The following TRIP12 variants were observed in gnomAD, a reference collection of about 807,000 sequenced individuals.
TRIP12 encodes the protein thyroid hormone receptor interactor 12.
TRIP12 carries 25 observed loss-of-function variants against 244.2 expected under a neutral mutation model. The ratio of observed to expected loss-of-function variants is 0.10; its 90% CI spans 0.07 to 0.14. The LOEUF (loss-of-function observed/expected upper bound fraction) is 0.14. Among genes scored for constraint, TRIP12 ranks in the 10% least tolerant of loss-of-function variants. The pLI, the probability that TRIP12 is intolerant of heterozygous loss-of-function variation, is 1.00. For missense variants in TRIP12, 1,677 were observed against 2,486.4 expected, an observed-to-expected ratio of 0.67 and a Z score of 6.92; for synonymous variants, 905 against 873.1, an observed-to-expected ratio of 1.04 and a Z score of -0.64.
Position 229,778,894 on chromosome 2 carries a change from T to C in TRIP12, c.5191A>G (p.Thr1731Ala), listed in dbSNP as rs1387208718. 1 of 1,613,844 alleles carries C rather than the reference T, an allele frequency of 6.2e-7. No homozygotes were observed. ...DLGLWRGEEV[T>A]LSNPKGSQEG... Reference sequence around the variant, plus strand: ...GCATTACCTTTTGGATTGCTAAGAGTTACTTCTTCACCTCTCCAAAGACCC... The same window carrying C: ...GCATTACCTTTTGGATTGCTAAGAGCTACTTCTTCACCTCTCCAAAGACCC... The change falls in exon 35 of 42, where the codon ACT becomes GCT. Residue 1731 changes from threonine to alanine, a missense_variant. Physicochemically the swap from Thr to Ala is moderately conservative, Grantham distance 58. Around this residue, in one of 11 missense-constraint regions of TRIP12, gnomAD observed 18 missense variants for 16.8 expected, o/e 1.07. Transcript: ENST00000675903. The surrounding 1 kb of genome is among the most constrained non-coding windows in gnomAD (Gnocchi z 4.1).
chr2:229,835,550 T>C (rs1278539696), intron 6 of TRIP12, among the ~76,000 whole-genome samples: 2 of 152,224 alleles, frequency 1.3e-5, no homozygotes, highest in African/African-American at 4.8e-5. Flanking sequence ...TAAGCAATGT[T>C]TGTCTCCGTT....
At chr2:229,785,324 G>T (rs1042131398) in intron 34 of TRIP12, among the ~76,000 whole-genome samples, 1 of 152,188 alleles carries the variant, frequency 6.6e-6, no homozygotes, top group Non-Finnish European at 1.5e-5. Flanking sequence ...AAAGTGAAAT[G>T]GGGGCACTTT....
chr2:229,907,072 T>C (rs989069343), intron 1 of TRIP12, among the ~76,000 whole-genome samples: 5 of 152,200 alleles, frequency 3.3e-5, no homozygotes, highest in African/African-American at 1.2e-4. Flanking sequence ...CCATTTTAAT[T>C]GTCCATTAAA....
At chr2:229,833,488 C>T (rs1399478598) in intron 6 of TRIP12, among the ~76,000 whole-genome samples, 3 of 152,112 alleles carry the variant, frequency 2.0e-5, no homozygotes, top group Non-Finnish European at 4.4e-5. Flanking sequence ...AGGGTTTCAC[C>T]ATGTTGCCCA....
chr2:229,771,216 G>A (rs1374446545), intron 39 of TRIP12, among the ~76,000 whole-genome samples: 1 of 152,224 alleles, frequency 6.6e-6, no homozygotes, highest in Admixed American at 6.5e-5. Flanking sequence ...ACAGAAACAT[G>A]TAGAACATGC....
intron 1 of TRIP12, among the ~76,000 whole-genome samples, chr2:229,891,911 G>T (rs565680551): frequency 1.3e-5 from 2 of 152,268 alleles, no homozygotes; most frequent in Admixed American, 1.3e-4. Flanking sequence ...GAGATGATCC[G>T]AATGTTCTCA....
intron 6 of TRIP12, 68 bp from the exon 7 acceptor site, chr2:229,830,907 G>T: frequency 6.7e-7 from 1 of 1,489,716 alleles, no homozygotes; most frequent in Non-Finnish European, 9.3e-7. Context: ...GCTTACCTTA[G>T]AAAAACCAAA....
At position 229,801,600 on chromosome 2, in the gene TRIP12, A is replaced by G. The variant is rs187202732; in HGVS notation, c.3206+652T>C. Among the ~76,000 whole-genome samples the G allele has an allele frequency of 5.3e-5, 8 of 152,352 alleles. No homozygotes were observed. The East Asian group carries it at 1.5e-3, about 29-fold the overall frequency. On this transcript the variant is annotated intron_variant, in intron 21 of 41. Transcript: ENST00000675903. ...ATATTAAGCTTCTAATAGCAAGGAA[A>G]TAAAAACACTTTTAGAGTGTGATTT... is the stretch of plus-strand genomic sequence containing the variant.
chr2:229,922,650 A>G (rs775007256), upstream of TRIP12: 5 of 1,599,948 alleles, frequency 3.1e-6, no homozygotes, highest in Non-Finnish European at 4.3e-6. Flanking sequence ...CTAACTCCCT[A>G]CCTGGCCCGG....
chr2:229,822,755 C>T (rs1020979350), intron 8 of TRIP12, among the ~76,000 whole-genome samples: 2 of 152,026 alleles, frequency 1.3e-5, no homozygotes, highest in African/African-American at 4.8e-5. Flanking sequence ...ACAATAAAAG[C>T]AGACCAATAC....
intron 6 of TRIP12, among the ~76,000 whole-genome samples, chr2:229,834,992 T>C (rs1407030453): frequency 6.6e-6 from 1 of 152,194 alleles, no homozygotes; most frequent in Non-Finnish European, 1.5e-5. Flanking sequence ...GAGCTCTAAG[T>C]CCACAAACCT....
In TRIP12 at chr2:229,769,338, A is replaced by G. The variant is rs759254035; in HGVS notation, c.5809-13T>C. ...GGAGCTGATCCAGCTGTGAGTTTAA[A>G]TAAGGGTAAAAAGAATTACTAAGGA... On this transcript the variant is annotated splice_polypyrimidine_tract_variant and intron_variant, in intron 39 of 41. Transcript: ENST00000675903. The G allele has an allele frequency of 6.8e-6, 11 of 1,613,340 alleles. No individual in the cohort carries two copies. The highest frequency in any genetic ancestry group is 9.3e-6 in the Non-Finnish European group (11 of 1,179,448).
Position 229,849,836 on chromosome 2 carries a change from T to TGAA in TRIP12, c.1028-8912_1028-8910dup, listed in dbSNP as rs954743975. Among the ~76,000 whole-genome samples the TGAA allele has an allele frequency of 2.6e-5, 4 of 151,654 alleles. No homozygotes were observed. The South Asian group carries it at 6.2e-4, about 24-fold the overall frequency. On this transcript the variant is annotated intron_variant, in intron 4 of 41. Transcript: ENST00000675903. ...CTGCAGTAAGCTATGATTATCTTCT[T>TGAA]GAAGAAGAAGAAAAAAAAGGTCTTA... is the stretch of plus-strand genomic sequence containing the variant.
In TRIP12 at chr2:229,792,201, A is replaced by T; in HGVS notation, c.4167T>A (p.Asp1389Glu). Residue 1389 changes from aspartate to glutamate, a missense_variant, in exon 28 of 42, where the codon GAT (aspartate) becomes GAA (glutamate). Asp to Glu is a conservative substitution (Grantham distance 45). This residue lies in a region of TRIP12 where 265 missense variants were observed against 370.8 expected (regional missense o/e 0.71). Coordinates refer to ENST00000675903, the MANE Select transcript of TRIP12 (RefSeq NM_001348323.3). ...CTGATCCATCGTCATCGCTGTCTTC[A>T]TCATCTTCTCTTACTCTTCCATACC... ...VRGYGRVRED[D>E]EDSDDDGSDE... is the part of the protein sequence containing the mutation. 1.2e-6 allele frequency: 2 copies of T among 1,614,058 alleles called. No individual in the cohort carries two copies. The highest frequency in any genetic ancestry group is 1.7e-6 in the Non-Finnish European group (2 of 1,179,972).
intron 1 of TRIP12, among the ~76,000 whole-genome samples, chr2:229,910,790 C>A (rs1013509061): frequency 2.0e-5 from 3 of 152,194 alleles, no homozygotes; most frequent in Non-Finnish European, 4.4e-5. Context: ...AAAAGATGAA[C>A]TCTGCAATTA....
intron 38 of TRIP12, 152 bp downstream of exon 38, chr2:229,773,945 G>C (rs541836071): frequency 1.5e-6 from 1 of 676,706 alleles, no homozygotes; most frequent in Non-Finnish European, 2.5e-6. Context: ...AGAGCAAAGA[G>C]AAGCTAGTGC....
At chr2:229,912,695 CA>C (rs758483046) in intron 1 of TRIP12, among the ~76,000 whole-genome samples, 14 of 152,168 alleles carry the variant, frequency 9.2e-5, no homozygotes, top group Admixed American at 2.0e-4. Context: ...TACTTAATAA[CA>C]AATATGCACA....
intron 20 of TRIP12, 131 bp from the exon 21 acceptor site, chr2:229,802,590 G>C: frequency 1.7e-6 from 1 of 575,288 alleles, no homozygotes; most frequent in East Asian, 3.2e-5. Flanking sequence ...TGGCAAATAG[G>C]TAAAAGAAAT....
chr2:229,834,587 C>T (rs1320065620), intron 6 of TRIP12, among the ~76,000 whole-genome samples: 1 of 152,228 alleles, frequency 6.6e-6, no homozygotes, highest in African/African-American at 2.4e-5. Flanking sequence ...TGGTGAAACC[C>T]CTTCTGTACT....
Sources: allele counts gnomAD v4.1 joint callset (sites outside exome capture counted in the v4.1 genomes callset), GRCh38; gene constraint gnomAD v4.1.1; regional missense constraint gnomAD v4.1.1; non-coding constraint Gnocchi (gnomAD v3.1); transcripts MANE v1.5; gene names NCBI Gene and HGNC (gene_info 2026-07-23, HGNC 2026-07-21).